Variants in DAPK1 observed in about 807,000 individuals in gnomAD.
DAPK1 encodes the protein death-associated protein kinase 1.
In DAPK1, 56 loss-of-function variants were observed where a neutral mutation model predicts 144.9. That is an observed-to-expected ratio of 0.39 (90% CI 0.31 to 0.48). The LOEUF is 0.48. Among genes scored for constraint, DAPK1 ranks in the 20% least tolerant of loss-of-function variants. DAPK1 has a pLI of 0.95. For synonymous variants in DAPK1, 690 were observed against 749.0 expected, an observed-to-expected ratio of 0.92 and a Z score of 1.29; for missense variants, 1,454 against 1,875.4, an observed-to-expected ratio of 0.78 and a Z score of 4.15.
chr9:87,621,165 T>C (rs1410188328), intron 3 of DAPK1, among the ~76,000 whole-genome samples: 2 of 152,220 alleles, frequency 1.3e-5, no homozygotes, highest in Non-Finnish European at 2.9e-5. Flanking sequence ...CTCCCTTTCC[T>C]ACCCTGGGAC....
At chr9:87,649,351 G>A (rs188062232) in intron 15 of DAPK1, among the ~76,000 whole-genome samples, 6 of 152,250 alleles carry the variant, frequency 3.9e-5, no homozygotes, top group African/African-American at 7.2e-5. Flanking sequence ...CAGGCCTCAC[G>A]GTCTATAAGG....
intron 2 of DAPK1, chr9:87,525,284 T>G (rs1250302126): frequency 5.0e-6 from 8 of 1,591,842 alleles, no homozygotes; most frequent in Non-Finnish European, 6.9e-6. Context: ...TTTACCTCGT[T>G]GCACTCCTGA....
chr9:87,659,280 G>T (rs888436057), intron 18 of DAPK1, among the ~76,000 whole-genome samples: 3 of 152,042 alleles, frequency 2.0e-5, no homozygotes, highest in Non-Finnish European at 4.4e-5. Flanking sequence ...CCAGTACTCC[G>T]CATGGGGTGA....
intron 2 of DAPK1, among the ~76,000 whole-genome samples, chr9:87,552,398 G>A (rs1826528236): frequency 6.6e-6 from 1 of 152,154 alleles, no homozygotes; most frequent in African/African-American, 2.4e-5. Flanking sequence ...CTTGAACAGT[G>A]ACGGGGCACC....
chr9:87,676,574 T>G (rs535671084), intron 19 of DAPK1, among the ~76,000 whole-genome samples: 2 of 152,370 alleles, frequency 1.3e-5, no homozygotes, highest in East Asian at 3.9e-4. Context: ...TATTTTGCTT[T>G]TCTTTGCCTT....
chr9:87,508,168 C>T (rs1420597323), intron 2 of DAPK1, among the ~76,000 whole-genome samples: 18 of 151,750 alleles, frequency 1.2e-4, no homozygotes, highest in African/African-American at 4.4e-4. Context: ...CCCGCCACGA[C>T]GCCCGGCTAA....
intron 21 of DAPK1, among the ~76,000 whole-genome samples, chr9:87,689,660 C>G (rs535589118): frequency 6.6e-6 from 1 of 152,242 alleles, no homozygotes; most frequent in South Asian, 2.1e-4. Context: ...AGTCTTTAAT[C>G]CATCTTGAGT....
At chr9:87,637,243 G>A (rs1299119349) in intron 3 of DAPK1, among the ~76,000 whole-genome samples, 3 of 151,950 alleles carry the variant, frequency 2.0e-5, no homozygotes, top group Non-Finnish European at 2.9e-5. Flanking sequence ...ACAGGCACAC[G>A]TCACCATGCC....
rs771403284 is a variant in DAPK1 at position 87,499,120 on chromosome 9, A to G, written c.43A>G (p.Thr15Ala). 6 of 1,614,022 alleles carry G rather than the reference A, an allele frequency of 3.7e-6. No homozygotes were observed. Among genetic ancestry groups the G allele is most frequent in the Non-Finnish European group, 5.1e-6 (6 of 1,179,962 alleles). Residue 15 changes from threonine to alanine, a missense_variant, in exon 2 of 26, where the codon ACC (threonine) becomes GCC (alanine). Thr to Ala is a moderately conservative substitution (Grantham distance 58). Around this residue, in one of 2 missense-constraint regions of DAPK1, gnomAD observed 429 missense variants for 637.5 expected, o/e 0.67. Coordinates refer to ENST00000408954, the MANE Select transcript of DAPK1 (RefSeq NM_004938.4). ...RQENVDDYYDTGEELGSGQFA... is the reference protein window; with the variant it reads ...RQENVDDYYDAGEELGSGQFA... ...GGAAAACGTGGATGATTACTACGAC[A>G]CCGGCGAGGAACTTGGCAGGTAAAG...
At position 87,499,153 on chromosome 9, in the gene DAPK1, C is replaced by T; in HGVS notation, c.62+14C>T. On this transcript the variant is annotated intron_variant, in intron 2 of 25. Coordinates refer to ENST00000408954, the MANE Select transcript of DAPK1 (RefSeq NM_004938.4). ...GGAACTTGGCAGGTAAAGGGGGTAC[C>T]AGAAGCGTACCCTCCTGGATTGTGG... The T allele has an allele frequency of 2.5e-6, 4 of 1,606,994 alleles. No individual in the cohort carries two copies. The highest frequency in any genetic ancestry group is 3.4e-6 in the Non-Finnish European group (4 of 1,173,594).
At chr9:87,650,436 A>T (rs1418835878) in intron 16 of DAPK1, 1 of 290,778 alleles carries the variant, frequency 3.4e-6, no homozygotes, top group East Asian at 9.3e-5. Context: ...GAGGACTGAC[A>T]TTGGCAACAC....
At chr9:87,574,779 G>A (rs1311964706) in intron 2 of DAPK1, among the ~76,000 whole-genome samples, 3 of 152,030 alleles carry the variant, frequency 2.0e-5, no homozygotes, top group Admixed American at 6.6e-5. Context: ...AAAATTAGCC[G>A]GGCTTGGTGC....
At chr9:87,596,071 C>G (rs1828305982) in intron 2 of DAPK1, among the ~76,000 whole-genome samples, 2 of 151,904 alleles carry the variant, frequency 1.3e-5, no homozygotes, top group Non-Finnish European at 2.9e-5. Flanking sequence ...GAGAATAACT[C>G]CAGGTGTGGG....
At chr9:87,701,599 C>A (rs992986901) in intron 24 of DAPK1, among the ~76,000 whole-genome samples, 1 of 152,090 alleles carries the variant, frequency 6.6e-6, no homozygotes, top group Admixed American at 6.6e-5. Context: ...AAGAAAAGGG[C>A]GAGCGTCCCA....
Position 87,706,134 on chromosome 9 carries a change from C to G in DAPK1, c.3063C>G (p.Ile1021Met). ...IAQQLHSTGE[I>M]NIMQSETVQD... is the part of the protein sequence containing the mutation. ...GACTTTCTGTTGTCCCCCCGCAGAT[C>G]AACATCATGCAAAGTGAAACAGTTC... is the stretch of plus-strand genomic sequence containing the variant. The change falls in exon 26 of 26, where the codon ATC becomes ATG. Residue 1021 changes from isoleucine to methionine, a missense_variant and splice_region_variant. By Grantham distance (10) the Ile-to-Met change is conservative. This residue lies in a region of DAPK1 where 1,025 missense variants were observed against 1,237.9 expected (regional missense o/e 0.83). Coordinates refer to ENST00000408954, the MANE Select transcript of DAPK1 (RefSeq NM_004938.4). This position sits in a 1 kb window ranked among gnomAD's most constrained non-coding sequence, Gnocchi z 9.0. 6.3e-7 allele frequency: 1 copy of G among 1,584,684 alleles called. No individual in the cohort carries two copies. The highest frequency in any genetic ancestry group is 8.6e-7 in the Non-Finnish European group (1 of 1,159,282).
intron 21 of DAPK1, among the ~76,000 whole-genome samples, chr9:87,694,181 CA>C (rs1353443319): frequency 6.6e-6 from 1 of 152,170 alleles, no homozygotes; most frequent in Non-Finnish European, 1.5e-5. Context: ...GGCTCCCAAG[CA>C]ATCTGTGCTG....
At chr9:87,540,520 A>G (rs537569022) in intron 2 of DAPK1, among the ~76,000 whole-genome samples, 2 of 152,216 alleles carry the variant, frequency 1.3e-5, no homozygotes, top group South Asian at 4.1e-4. Context: ...TGTCTAATTT[A>G]TAAATTAAAC....
intron 19 of DAPK1, among the ~76,000 whole-genome samples, chr9:87,677,054 T>C (rs1454631131): frequency 6.6e-6 from 1 of 152,130 alleles, no homozygotes; most frequent in African/African-American, 2.4e-5. Flanking sequence ...GAGGTTTTCA[T>C]AGGGAATGTG....
chr9:87,545,608 G>A (rs997454448), intron 2 of DAPK1, among the ~76,000 whole-genome samples: 5 of 152,092 alleles, frequency 3.3e-5, no homozygotes, highest in African/African-American at 4.8e-5. Context: ...GTGCAATAGC[G>A]GGATCTTGGC....
Sources: allele counts gnomAD v4.1 joint callset (sites outside exome capture counted in the v4.1 genomes callset), GRCh38; gene constraint gnomAD v4.1.1; regional missense constraint gnomAD v4.1.1; non-coding constraint Gnocchi (gnomAD v3.1); transcripts MANE v1.5; gene names NCBI Gene and HGNC (gene_info 2026-07-23, HGNC 2026-07-21).